FGF14: variants seen among roughly 807,000 people sequenced by gnomAD.
The protein encoded by FGF14 is fibroblast growth factor homologous factor 4.
Under a neutral mutation model 25.5 loss-of-function variants are expected in FGF14, and 5 were observed. The ratio of observed to expected loss-of-function variants is 0.20; its 90% CI spans 0.10 to 0.41. The LOEUF is 0.41. FGF14 is among the 10% of genes least tolerant of loss of function. The probability of loss-of-function intolerance (pLI) is 1.00; values close to 1 mark genes in which losing one functional copy is unlikely to be tolerated. For missense variants in FGF14, 222 were observed against 320.1 expected, an observed-to-expected ratio of 0.69 and a Z score of 2.34; for synonymous variants, 138 against 118.3, an observed-to-expected ratio of 1.17 and a Z score of -1.08.
At chr13:102,201,858 A>C (rs993006478) in intron 1 of FGF14, among the ~76,000 whole-genome samples, 2 of 151,438 alleles carry the variant, frequency 1.3e-5, no homozygotes, top group African/African-American at 4.9e-5. Flanking sequence ...AAGACAATGT[A>C]CCTCCCTGAT....
At chr13:102,116,044 A>C (rs887018692) in intron 1 of FGF14, among the ~76,000 whole-genome samples, 4 of 152,176 alleles carry the variant, frequency 2.6e-5, no homozygotes, top group African/African-American at 9.7e-5. Context: ...CAGGAGGCAG[A>C]AGTTGCGGTG....
At chr13:101,849,115 T>C (rs1004843411) in intron 3 of FGF14, among the ~76,000 whole-genome samples, 1 of 152,216 alleles carries the variant, frequency 6.6e-6, no homozygotes, top group South Asian at 2.1e-4. Flanking sequence ...GAATGTGACA[T>C]GTGCCACTAG....
chr13:102,208,490 G>A (rs2050032463), intron 1 of FGF14, among the ~76,000 whole-genome samples: 2 of 152,056 alleles, frequency 1.3e-5, no homozygotes, highest in Non-Finnish European at 2.9e-5. Context: ...TAAATACCAT[G>A]CACACAACAG....
chr13:102,056,064 G>A (rs1446927828), intron 1 of FGF14, among the ~76,000 whole-genome samples: 3 of 152,160 alleles, frequency 2.0e-5, no homozygotes, highest in Non-Finnish European at 4.4e-5. Context: ...GGGAATTATG[G>A]GAGCTACAAT....
intron 1 of FGF14, among the ~76,000 whole-genome samples, chr13:102,353,821 T>C (rs1173207369): frequency 6.6e-6 from 1 of 152,346 alleles, no homozygotes; most frequent in African/African-American, 2.4e-5. Flanking sequence ...AAAATCCTTC[T>C]GTGGCTTCCA....
chr13:102,297,071 TCAA>T (rs1398685507), intron 1 of FGF14, among the ~76,000 whole-genome samples: 1 of 152,120 alleles, frequency 6.6e-6, no homozygotes, highest in Non-Finnish European at 1.5e-5. Flanking sequence ...GTGCTCAAAG[TCAA>T]CATCAATGGT....
At chr13:102,237,787 G>T (rs534551129) in intron 1 of FGF14, among the ~76,000 whole-genome samples, 22 of 152,200 alleles carry the variant, frequency 1.4e-4, no homozygotes, top group Middle Eastern at 3.4e-3. Flanking sequence ...ATAATTATGA[G>T]TTTAAAATGA....
chr13:101,765,775 G>C (rs890572650), intron 3 of FGF14, among the ~76,000 whole-genome samples: 1 of 151,760 alleles, frequency 6.6e-6, no homozygotes, highest in Admixed American at 6.6e-5. Context: ...TGTCGCCCAG[G>C]CTGGAGTACA....
chr13:102,085,216 T>C (rs1207361962), intron 1 of FGF14, among the ~76,000 whole-genome samples: 1 of 151,712 alleles, frequency 6.6e-6, no homozygotes, highest in Non-Finnish European at 1.5e-5. Context: ...CTTTCCTTTT[T>C]TCCCCCACCT....
At chr13:101,829,662 A>G (rs1225383886) in intron 3 of FGF14, among the ~76,000 whole-genome samples, 2 of 152,070 alleles carry the variant, frequency 1.3e-5, no homozygotes, top group African/African-American at 4.8e-5. Flanking sequence ...GCTAAAGTAA[A>G]TACCAGGATC....
chr13:101,907,963 C>A (rs534618261), intron 1 of FGF14, among the ~76,000 whole-genome samples: 1 of 152,230 alleles, frequency 6.6e-6, no homozygotes, highest in South Asian at 2.1e-4. Flanking sequence ...ATGGATAGAT[C>A]TGCAGATAGA....
chr13:101,877,830 T>C (rs2045482444), intron 1 of FGF14, among the ~76,000 whole-genome samples: 1 of 152,198 alleles, frequency 6.6e-6, no homozygotes, highest in Admixed American at 6.6e-5. Flanking sequence ...AATACATCTC[T>C]GCCCCATTAA....
At chr13:101,916,383 C>T (rs1021287075) in intron 1 of FGF14, 70 bp downstream of exon 1, 86 of 1,569,474 alleles carry the variant, frequency 5.5e-5, no homozygotes, top group Non-Finnish European at 7.4e-5. Flanking sequence ...GGGAAGGAGC[C>T]TGGAGAAGCT....
chr13:102,301,472 T>G (rs1594782318), intron 1 of FGF14, among the ~76,000 whole-genome samples: 2 of 152,284 alleles, frequency 1.3e-5, no homozygotes, highest in Non-Finnish European at 2.9e-5. Flanking sequence ...CATGGGCTCC[T>G]CAGCTATTGG....
chr13:102,317,747 T>C (rs1037157507), intron 1 of FGF14, among the ~76,000 whole-genome samples: 2 of 152,140 alleles, frequency 1.3e-5, no homozygotes, highest in Admixed American at 6.5e-5. Context: ...CCCTTCTGGC[T>C]TCTACCAAAT....
chr13:101,918,712 C>G (rs1391598040), upstream of FGF14, among the ~76,000 whole-genome samples: 1 of 152,214 alleles, frequency 6.6e-6, no homozygotes, highest in Non-Finnish European at 1.5e-5. Context: ...TGTTTGTTAC[C>G]TTCACTCCAC....
intron 1 of FGF14, among the ~76,000 whole-genome samples, chr13:102,148,998 G>A (rs1367370662): frequency 4.6e-5 from 7 of 152,110 alleles, no homozygotes; most frequent in East Asian, 1.9e-4. Context: ...ATTAGGATAT[G>A]CATACATTTG....
At chr13:102,154,612 C>A (rs1467744464) in intron 1 of FGF14, among the ~76,000 whole-genome samples, 1 of 152,172 alleles carries the variant, frequency 6.6e-6, no homozygotes, top group Admixed American at 6.5e-5. Context: ...CATCAACTAA[C>A]GAGCAAAATA....
chr13:102,082,160 A>G (rs991990545), intron 1 of FGF14, among the ~76,000 whole-genome samples: 5 of 151,956 alleles, frequency 3.3e-5, no homozygotes, highest in African/African-American at 1.2e-4. Context: ...TTTTGTCAAC[A>G]GCACTCTAAA....
Sources: allele counts gnomAD v4.1 joint callset (sites outside exome capture counted in the v4.1 genomes callset), GRCh38; gene constraint gnomAD v4.1.1; transcripts MANE v1.5; gene names NCBI Gene and HGNC (gene_info 2026-07-23, HGNC 2026-07-21).